The following CPNE5 variants were observed in gnomAD, a reference collection of about 807,000 sequenced individuals.
The protein encoded by CPNE5 is copine 5.
Under a neutral mutation model 81.1 loss-of-function variants are expected in CPNE5, and 42 were observed. That is an observed-to-expected ratio of 0.52 (90% CI 0.40 to 0.67). The LOEUF (loss-of-function observed/expected upper bound fraction) is 0.67, where lower values mean the gene tolerates loss of function less well. CPNE5 is among the 30% of genes least tolerant of loss of function. The pLI, the probability that CPNE5 is intolerant of heterozygous loss-of-function variation, is 0.00. For missense variants in CPNE5, 612 were observed against 815.5 expected, an observed-to-expected ratio of 0.75 and a Z score of 3.04; for synonymous variants, 313 against 321.5, an observed-to-expected ratio of 0.97 and a Z score of 0.28.
At chr6:36,761,313 C>G (rs1253336204) in intron 12 of CPNE5, among the ~76,000 whole-genome samples, 1 of 152,248 alleles carries the variant, frequency 6.6e-6, no homozygotes, top group African/African-American at 2.4e-5. Context: ...TTCATCCACA[C>G]TCCATCTTCA....
At chr6:36,754,140 GCT>G (rs1562097181) in intron 13 of CPNE5, 1 of 152,134 alleles carries the variant, frequency 6.6e-6, no homozygotes, top group African/African-American at 2.4e-5. Context: ...TGCCCTGGGG[GCT>G]CTTAGATCAT....
chr6:36,817,136 G>A (rs1167417509), intron 3 of CPNE5, among the ~76,000 whole-genome samples: 1 of 152,116 alleles, frequency 6.6e-6, no homozygotes, highest in Non-Finnish European at 1.5e-5. Flanking sequence ...GACCAGCCTG[G>A]CCAACATGGT....
intron 3 of CPNE5, among the ~76,000 whole-genome samples, chr6:36,819,931 G>A (rs1266688674): frequency 6.6e-6 from 1 of 152,174 alleles, no homozygotes; most frequent in African/African-American, 2.4e-5. Context: ...ATCACCTGGA[G>A]CAAGCGCAAT....
chr6:36,791,407 T>C (rs1769078599), intron 8 of CPNE5, among the ~76,000 whole-genome samples: 1 of 152,230 alleles, frequency 6.6e-6, no homozygotes, highest in Admixed American at 6.5e-5. Flanking sequence ...TGACAAATAC[T>C]GACCATCACC....
chr6:36,798,515 C>T (rs6940728), intron 4 of CPNE5, 21 bp from the exon 5 acceptor site: 988,240 of 1,609,480 alleles, frequency 0.61, 306,207 homozygotes, highest in Admixed American at 0.76. Context: ...CACAGAGAAA[C>T]GATGAAGGCA....
chr6:36,745,483 G>A lies in CPNE5; in HGVS notation c.1233C>T (p.Gly411=), dbSNP rs554843252. 1.7e-5 allele frequency: 27 copies of A among 1,600,454 alleles called. No homozygotes were observed. The African/African-American group carries it at 3.2e-4, about 19-fold the overall frequency. ...NGNQENPSCC[G]IDGILEAYHR... ...GGTAGGCCTCCAGGATGCCGTCGAT[G>A]CCACAGCATGAGGGGTTCTCCTGGT... Residue 411 remains glycine (G), a synonymous_variant, in exon 17 of 21, where the codon GGC becomes GGT. Transcript: ENST00000244751.
At chr6:36,829,336 A>G (rs1398100782) in intron 1 of CPNE5, among the ~76,000 whole-genome samples, 1 of 151,928 alleles carries the variant, frequency 6.6e-6, no homozygotes, top group East Asian at 1.9e-4. Context: ...TCTCTAAAAA[A>G]AATAAACAAA....
At chr6:36,750,957 C>T (rs1176195412) in intron 14 of CPNE5, among the ~76,000 whole-genome samples, 2 of 152,238 alleles carry the variant, frequency 1.3e-5, no homozygotes, top group Non-Finnish European at 2.9e-5. Context: ...GTGTCTCCTG[C>T]CTAAGGGTAG....
intron 10 of CPNE5, among the ~76,000 whole-genome samples, chr6:36,765,591 G>T (rs562728898): frequency 4.6e-5 from 7 of 152,286 alleles, no homozygotes; most frequent in Non-Finnish European, 8.8e-5. Context: ...GCTGTGTAGG[G>T]ACTGCCCAGA....
chr6:36,833,336 T>C (rs1190159249), intron 1 of CPNE5, among the ~76,000 whole-genome samples: 2 of 152,216 alleles, frequency 1.3e-5, no homozygotes, highest in African/African-American at 4.8e-5. Context: ...AAATATAAGA[T>C]GGCCTCCAAG....
rs1582661428 is a variant in CPNE5, at chr6:36,741,975, C to T, written c.*293G>A. Reference sequence around the variant, plus strand: ...GGTGGGCGACAGGGACCCCAATCACCCTTATTGTTTACACCTTCCTGGCTG... The same window carrying T: ...GGTGGGCGACAGGGACCCCAATCACTCTTATTGTTTACACCTTCCTGGCTG... On this transcript the variant is annotated 3_prime_UTR_variant, in exon 21 of 21. Coordinates refer to ENST00000244751, the MANE Select transcript of CPNE5 (RefSeq NM_020939.2). 3.1e-5 allele frequency: 13 copies of T among 414,488 alleles called. No homozygotes were observed. In the East Asian group the frequency reaches 4.6e-4, roughly 15 times the overall value. 25.7% of individuals were successfully genotyped at this position (414,488 alleles called of 1,614,324 possible).
chr6:36,792,063 G>T lies in CPNE5; in HGVS notation c.498C>A (p.Ile166=). 1 of 1,614,108 alleles carries T rather than the reference G, an allele frequency of 6.2e-7. No homozygotes were observed. Among genetic ancestry groups the T allele is most frequent in the Non-Finnish European group, 8.5e-7 (1 of 1,179,990 alleles). The part of the protein sequence containing the change: ...GVPGKKCGTI[I]LSAEELSNCR... The stretch of plus-strand genomic sequence containing the variant: ...AGTTGCTGAGCTCCTCAGCGGACAG[G>T]ATGATGGTGCCACATTTCTTTCCTG... Residue 166 remains isoleucine (I), a synonymous_variant, in exon 8 of 21, where the codon ATC becomes ATA. Coordinates refer to ENST00000244751, the MANE Select transcript of CPNE5 (RefSeq NM_020939.2).
chr6:36,777,054 G>A (rs1032465085), intron 9 of CPNE5, among the ~76,000 whole-genome samples: 1 of 152,180 alleles, frequency 6.6e-6, no homozygotes, highest in Non-Finnish European at 1.5e-5. Flanking sequence ...GAATGCTCCA[G>A]CTCACACTTG....
intron 1 of CPNE5, among the ~76,000 whole-genome samples, chr6:36,824,527 G>A (rs2150594442): frequency 6.6e-6 from 1 of 152,294 alleles, no homozygotes; most frequent in African/African-American, 2.4e-5. Flanking sequence ...AGGTCCCAAA[G>A]GATCTTGTCA....
chr6:36,805,785 A>G (rs1770538172), intron 3 of CPNE5, among the ~76,000 whole-genome samples: 1 of 152,234 alleles, frequency 6.6e-6, no homozygotes, highest in Non-Finnish European at 1.5e-5. Context: ...AGCTTCTGAC[A>G]TGCCCCAAAA....
At chr6:36,758,057 A>G (rs1238700011) in intron 12 of CPNE5, among the ~76,000 whole-genome samples, 1 of 152,098 alleles carries the variant, frequency 6.6e-6, no homozygotes, top group Non-Finnish European at 1.5e-5. Context: ...GGTGAGTGTG[A>G]GGGGAGGAGG....
intron 8 of CPNE5, among the ~76,000 whole-genome samples, chr6:36,786,569 C>G (rs531703886): frequency 6.6e-6 from 1 of 152,140 alleles, no homozygotes; most frequent in African/African-American, 2.4e-5. Flanking sequence ...AATCCATCAA[C>G]TGATGTTCAA....
chr6:36,811,660 T>C (rs1285316785), intron 3 of CPNE5, among the ~76,000 whole-genome samples: 2 of 152,160 alleles, frequency 1.3e-5, no homozygotes, highest in African/African-American at 4.8e-5. Flanking sequence ...AAAAGCCAAC[T>C]CCTTTCTTCA....
At chr6:36,773,474 A>C (rs1418046664) in intron 10 of CPNE5, among the ~76,000 whole-genome samples, 1 of 152,202 alleles carries the variant, frequency 6.6e-6, no homozygotes, top group Non-Finnish European at 1.5e-5. Flanking sequence ...GCATGTAAAC[A>C]CCACTAGGTT....
Sources: allele counts gnomAD v4.1 joint callset (sites outside exome capture counted in the v4.1 genomes callset), GRCh38; gene constraint gnomAD v4.1.1; transcripts MANE v1.5; gene names NCBI Gene and HGNC (gene_info 2026-07-23, HGNC 2026-07-21).